Variants in LDAH observed in about 807,000 individuals in gnomAD.
The protein encoded by LDAH is lipid droplet-associated hydrolase.
In LDAH, 26 loss-of-function variants were observed where a neutral mutation model predicts 29.6. The ratio of observed to expected loss-of-function variants is 0.88; its 90% CI spans 0.64 to 1.22. LDAH has a LOEUF of 1.22. LDAH is among the 50% of genes most tolerant of loss of function. The pLI is 0.00. For synonymous variants in LDAH, 117 were observed against 133.0 expected (o/e 0.88, Z 0.83); for missense variants, 344 against 387.3 (o/e 0.89, Z 0.94).
intron 3 of LDAH, among the ~76,000 whole-genome samples, chr2:20,785,908 T>C (rs1670515859): frequency 6.6e-6 from 1 of 152,190 alleles, no homozygotes; most frequent in African/African-American, 2.4e-5. Flanking sequence ...TACCCATCTG[T>C]TCTTGCATGC....
chr2:20,797,698 C>T (rs1671394207), intron 2 of LDAH, among the ~76,000 whole-genome samples: 1 of 151,832 alleles, frequency 6.6e-6, no homozygotes, highest in Non-Finnish European at 1.5e-5. Context: ...TCAAGGATTG[C>T]CAGACATTTG....
At chr2:20,710,717 T>C (rs1664688305) in intron 5 of LDAH, among the ~76,000 whole-genome samples, 2 of 147,744 alleles carry the variant, frequency 1.4e-5, no homozygotes, top group Admixed American at 1.4e-4. Flanking sequence ...ACATATATTA[T>C]ACATATATAT....
At chr2:20,734,692 G>T (rs2149429787) in intron 5 of LDAH, among the ~76,000 whole-genome samples, 1 of 152,244 alleles carries the variant, frequency 6.6e-6, no homozygotes, top group South Asian at 2.1e-4. Context: ...CTCAAGAGAA[G>T]AAGAAAGTTG....
intron 5 of LDAH, among the ~76,000 whole-genome samples, chr2:20,724,608 A>C (rs1665886954): frequency 6.6e-6 from 1 of 152,216 alleles, no homozygotes; most frequent in Non-Finnish European, 1.5e-5. Flanking sequence ...CCAAGCTGGC[A>C]GGTACTGGTA....
chr2:20,687,509 G>A (rs975626320), intron 6 of LDAH, among the ~76,000 whole-genome samples: 1 of 152,204 alleles, frequency 6.6e-6, no homozygotes, highest in Non-Finnish European at 1.5e-5. Flanking sequence ...GTAGTCATAT[G>A]GGATGTATTT....
intron 5 of LDAH, among the ~76,000 whole-genome samples, chr2:20,715,458 T>G (rs1352144100): frequency 6.6e-6 from 1 of 152,202 alleles, no homozygotes; most frequent in East Asian, 1.9e-4. Context: ...GCAATGCCTT[T>G]GCAAACCGGC....
chr2:20,748,960 C>T (rs553071226), intron 4 of LDAH, among the ~76,000 whole-genome samples: 29 of 152,266 alleles, frequency 1.9e-4, no homozygotes, highest in African/African-American at 6.3e-4. Flanking sequence ...AAGTTAAAAA[C>T]CCCAATATTT....
At chr2:20,704,164 C>T (rs1324213579) in intron 5 of LDAH, among the ~76,000 whole-genome samples, 3 of 152,136 alleles carry the variant, frequency 2.0e-5, no homozygotes, top group Admixed American at 6.5e-5. Flanking sequence ...AGGAGATGCT[C>T]CCTTAAATAT....
At chr2:20,748,678 T>C (rs565851149) in intron 4 of LDAH, among the ~76,000 whole-genome samples, 1 of 152,342 alleles carries the variant, frequency 6.6e-6, no homozygotes, top group East Asian at 1.9e-4. Context: ...AATTAAACAG[T>C]GTTCTCCAGG....
intron 4 of LDAH, among the ~76,000 whole-genome samples, chr2:20,760,771 T>C (rs1668629399): frequency 6.6e-6 from 1 of 152,214 alleles, no homozygotes; most frequent in African/African-American, 2.4e-5. Flanking sequence ...CTTACAATCT[T>C]AGGTATGTAA....
At chr2:20,715,316 G>C (rs2149385049) in intron 5 of LDAH, among the ~76,000 whole-genome samples, 1 of 152,252 alleles carries the variant, frequency 6.6e-6, no homozygotes, top group South Asian at 2.1e-4. Context: ...AAAGGCCTTT[G>C]ACAAAATTCA....
rs767199075 is a variant in LDAH at position 20,711,433 on chromosome 2, A to ACTGCCATC, written c.704-9782_704-9781insGATGGCAG. 1.1e-3 allele frequency among the ~76,000 whole-genome samples: 162 copies of ACTGCCATC among 151,924 alleles called. 1 individual carries two copies. Among genetic ancestry groups the ACTGCCATC allele is most frequent in the Middle Eastern group, 3.4e-3 (1 of 292 alleles). Reference sequence around the variant, plus strand: ...AAGTGGTCCGTTCCAAGATGGCCGAATAGGAACAGCTCCGGTCTGCAGCTT... The same window carrying ACTGCCATC: ...AAGTGGTCCGTTCCAAGATGGCCGAACTGCCATCTAGGAACAGCTCCGGTCTGCAGCTT... On this transcript the variant is annotated intron_variant, in intron 5 of 6. Coordinates refer to ENST00000237822, the MANE Select transcript of LDAH (RefSeq NM_021925.4).
intron 3 of LDAH, among the ~76,000 whole-genome samples, chr2:20,775,569 T>C (rs1279361089): frequency 6.6e-6 from 1 of 152,234 alleles, no homozygotes; most frequent in Admixed American, 6.5e-5. Context: ...TGACATGACT[T>C]AATTATTTTA....
At chr2:20,682,977 C>T (rs960187888), downstream of LDAH, among the ~76,000 whole-genome samples, 2 of 152,246 alleles carry the variant, frequency 1.3e-5, no homozygotes, top group African/African-American at 4.8e-5. Context: ...CTATTCCAAA[C>T]CACCTATCCA....
At chr2:20,735,067 T>C (rs1400963570) in intron 5 of LDAH, among the ~76,000 whole-genome samples, 1 of 152,224 alleles carries the variant, frequency 6.6e-6, no homozygotes, top group African/African-American at 2.4e-5. Flanking sequence ...TTCTTTGTTT[T>C]AGTTTTCAAA....
chr2:20,789,585 G>A (rs974612398), intron 3 of LDAH, among the ~76,000 whole-genome samples: 4 of 152,098 alleles, frequency 2.6e-5, no homozygotes, highest in East Asian at 1.9e-4. Flanking sequence ...AGCAGGCCAC[G>A]GTTTATCACT....
chr2:20,717,715 T>C (rs910149982), intron 5 of LDAH, among the ~76,000 whole-genome samples: 77 of 152,226 alleles, frequency 5.1e-4, no homozygotes, highest in African/African-American at 1.7e-3. Flanking sequence ...ATGGAGTTAA[T>C]GTGTACATGT....
At chr2:20,756,287 G>A (rs544544001) in intron 4 of LDAH, among the ~76,000 whole-genome samples, 20 of 152,092 alleles carry the variant, frequency 1.3e-4, no homozygotes, top group Admixed American at 8.5e-4. Context: ...CACCCACCTC[G>A]GCCTTCCAAA....
At chr2:20,694,097 G>A (rs760772784) in intron 6 of LDAH, among the ~76,000 whole-genome samples, 8 of 152,212 alleles carry the variant, frequency 5.3e-5, no homozygotes, top group Non-Finnish European at 1.0e-4. Context: ...TAAAGCAGTC[G>A]GTTGAATACC....
Sources: allele counts gnomAD v4.1 joint callset (sites outside exome capture counted in the v4.1 genomes callset), GRCh38; gene constraint gnomAD v4.1.1; transcripts MANE v1.5; gene names NCBI Gene and HGNC (gene_info 2026-07-23, HGNC 2026-07-21).